Variants in SHQ1 observed in about 807,000 individuals in gnomAD.
The protein encoded by SHQ1 is SHQ1, H/ACA ribonucleoprotein assembly factor.
Under a neutral mutation model 53.8 loss-of-function variants are expected in SHQ1, and 49 were observed. The observed-to-expected ratio is 0.91, with a 90% confidence interval of 0.72 to 1.16. SHQ1 has a LOEUF of 1.16. Among genes scored for constraint, SHQ1 ranks in the 50% most tolerant of loss-of-function variants. The pLI, the probability that SHQ1 is intolerant of heterozygous loss-of-function variation, is 0.00. For synonymous variants in SHQ1, 243 were observed against 251.0 expected, an observed-to-expected ratio of 0.97 and a Z score of 0.30; for missense variants, 738 against 683.1, an observed-to-expected ratio of 1.08 and a Z score of -0.90.
At chr3:72,761,466 C>T (rs1053774255) in intron 10 of SHQ1, among the ~76,000 whole-genome samples, 1 of 152,162 alleles carries the variant, frequency 6.6e-6, no homozygotes, top group African/African-American at 2.4e-5. Context: ...GCTACTGCGC[C>T]GGGCCAAGGA....
chr3:72,786,065 C>T (rs1321705701), intron 10 of SHQ1, among the ~76,000 whole-genome samples: 3 of 152,132 alleles, frequency 2.0e-5, no homozygotes, highest in Non-Finnish European at 4.4e-5. Context: ...AGTCAAAACC[C>T]ACATCTCATC....
intron 10 of SHQ1, chr3:72,773,291 A>G: frequency 3.2e-6 from 2 of 634,232 alleles, no homozygotes; most frequent in Non-Finnish European, 6.0e-6. Flanking sequence ...AAGAAAGATA[A>G]AGAAAAATTG....
At position 72,817,254 on chromosome 3, in the gene SHQ1, G is replaced by C. The variant is rs559942566; in HGVS notation, c.858C>G (p.Thr286=). 3 of 1,613,428 alleles carry C rather than the reference G, an allele frequency of 1.9e-6. No individual in the cohort carries two copies. The highest frequency in any genetic ancestry group is 1.7e-5 in the Admixed American group (1 of 59,922). ...IDILLAYCYE[T]RVTEGEKNVE... The stretch of plus-strand genomic sequence containing the variant: ...CATTCTTCTCTCCTTCAGTGACACG[G>C]GTTTCATAGCAATATGCCAGAAGGA... Residue 286 remains threonine, a synonymous_variant, in exon 7 of 11, where the codon ACC becomes ACG. Coordinates refer to ENST00000325599, the MANE Select transcript of SHQ1 (RefSeq NM_018130.3).
In SHQ1 at chr3:72,773,129, T is replaced by C. The variant is rs1230941827; in HGVS notation, c.1181+19787A>G. 3.9e-6 allele frequency: 3 copies of C among 763,200 alleles called. No homozygotes were observed. The East Asian group carries it at 7.5e-5, about 19-fold the overall frequency. The allele number at this position is 763,200 out of a possible 1,614,324, so 47.3% of individuals were successfully genotyped here. A position where few individuals can be genotyped will look rare whatever the true frequency, so the allele number is the denominator to read the frequency against. On this transcript the variant is annotated intron_variant, in intron 10 of 10. Transcript: ENST00000325599. The stretch of plus-strand genomic sequence containing the variant: ...CTTCGTGAAATTGAGCTCAAAGTCA[T>C]GAAGTTTCAGGATGAGTTGGAATTT...
intron 10 of SHQ1, among the ~76,000 whole-genome samples, chr3:72,760,622 G>C (rs1320152074): frequency 2.0e-5 from 3 of 152,148 alleles, no homozygotes; most frequent in African/African-American, 7.2e-5. Context: ...AGCTTAAAGG[G>C]CTCTTCTCTC....
intron 5 of SHQ1, among the ~76,000 whole-genome samples, chr3:72,831,755 G>A (rs1707828902): frequency 6.6e-6 from 1 of 152,214 alleles, no homozygotes; most frequent in South Asian, 2.1e-4. Flanking sequence ...GTACCTATCT[G>A]TTAATTAGAT....
chr3:72,817,053 A>G (rs1707340399), intron 7 of SHQ1, among the ~76,000 whole-genome samples, 177 bp downstream of exon 7: 1 of 152,210 alleles, frequency 6.6e-6, no homozygotes, highest in Non-Finnish European at 1.5e-5. Context: ...CCAACTAAGT[A>G]ATGTATGATT....
chr3:72,762,307 G>C (rs187658011), intron 10 of SHQ1, among the ~76,000 whole-genome samples: 1 of 152,190 alleles, frequency 6.6e-6, no homozygotes, highest in African/African-American at 2.4e-5. Flanking sequence ...AAATTCAAGG[G>C]TGAGGGTGAC....
intron 10 of SHQ1, among the ~76,000 whole-genome samples, chr3:72,784,281 G>T (rs908519592): frequency 6.6e-6 from 1 of 151,886 alleles, no homozygotes; most frequent in Admixed American, 6.6e-5. Context: ...CTTTATAAAA[G>T]GTTATTTTAG....
At chr3:72,796,376 G>A (rs1706622361) in intron 9 of SHQ1, among the ~76,000 whole-genome samples, 1 of 152,094 alleles carries the variant, frequency 6.6e-6, no homozygotes, top group African/African-American at 2.4e-5. Flanking sequence ...CATATTTAAT[G>A]AGGATCCACA....
Position 72,804,114 on chromosome 3 carries a change from A to C in SHQ1, c.1060+8557T>G, listed in dbSNP as rs1445872588. On this transcript the variant is annotated intron_variant, in intron 9 of 10. Transcript: ENST00000325599. ...AAAACATTTTTTTTTTCTAGAAACA[A>C]GGTCTCACTATGTTGCCCAGGCTGG... 3.3e-5 allele frequency among the ~76,000 whole-genome samples: 5 copies of C among 152,080 alleles called. 1 individual carries two copies. In the East Asian group the frequency reaches 5.8e-4, roughly 18 times the overall value.
In SHQ1 at chr3:72,815,354, A is replaced by C. The variant is rs1302331527; in HGVS notation, c.932T>G (p.Phe311Cys). Reference protein sequence around the residue: ...IRKLSPTLCWFETWTNVHDIM... With the variant: ...IRKLSPTLCWCETWTNVHDIM... Reference sequence around the variant, plus strand: ...AATTGCAACTGGAAATCATACCTCAAACCAGCATAGTGTTGGACTCAGTTT... The same window carrying C: ...AATTGCAACTGGAAATCATACCTCACACCAGCATAGTGTTGGACTCAGTTT... The change falls in exon 8 of 11, where the codon TTT (phenylalanine) becomes TGT (cysteine). Residue 311 changes from phenylalanine (F) to cysteine (C), a missense_variant. Physicochemically the swap from Phe to Cys is radical, Grantham distance 205 (BLOSUM62 -2). Coordinates refer to ENST00000325599, the MANE Select transcript of SHQ1 (RefSeq NM_018130.3). The C allele has an allele frequency of 6.2e-7, 1 of 1,613,016 alleles. No individual in the cohort carries two copies. Among genetic ancestry groups the C allele is most frequent in the African/African-American group, 1.3e-5 (1 of 74,900 alleles).
At chr3:72,791,977 T>C (rs1046406282) in intron 10 of SHQ1, among the ~76,000 whole-genome samples, 3 of 152,252 alleles carry the variant, frequency 2.0e-5, no homozygotes, top group Non-Finnish European at 4.4e-5. Context: ...TAATCGTTAA[T>C]CTACTATGTT....
rs1378639415 is a variant in SHQ1 at position 72,820,410 on chromosome 3, T to C, written c.728-3026A>G. Among the ~76,000 whole-genome samples, 4 of 152,318 alleles carry C rather than the reference T, an allele frequency of 2.6e-5. No individual in the cohort carries two copies. In the East Asian group the frequency reaches 5.8e-4, roughly 22 times the overall value. On this transcript the variant is annotated intron_variant, in intron 6 of 10. Transcript: ENST00000325599. ...GTTCCACTGTGGCCTACTTCATTAATAACACACAAATGCATTTAAATTCTG... is the reference window on the plus strand; with the variant it reads ...GTTCCACTGTGGCCTACTTCATTAACAACACACAAATGCATTTAAATTCTG...
chr3:72,746,153 G>A (rs1002884185), downstream of SHQ1, among the ~76,000 whole-genome samples: 1 of 152,066 alleles, frequency 6.6e-6, no homozygotes, highest in African/African-American at 2.4e-5. Context: ...CCGTTTCTAA[G>A]ATGAAGGGAA....
rs147061731 is a variant in SHQ1, at chr3:72,822,581, C to T, written c.727+1843G>A. On this transcript the variant is annotated intron_variant, in intron 6 of 10. Coordinates refer to ENST00000325599, the MANE Select transcript of SHQ1 (RefSeq NM_018130.3). ...CCCTGGTGGACAGAAAACTCAACTA[C>T]GCAACCATCAATTTTCTCCCACACC... Among the ~76,000 whole-genome samples, 486 of 152,294 alleles carry T rather than the reference C, an allele frequency of 3.2e-3. 6 individuals carry two copies. Among genetic ancestry groups the T allele is most frequent in the African/African-American group, 0.011 (451 of 41,556 alleles).
the SHQ1 span, among the ~76,000 whole-genome samples, chr3:72,732,840 G>A: frequency 9.4e-3 from 1,428 of 151,366 alleles, 41 homozygotes; most frequent in African/African-American, 0.031. Flanking sequence ...AGAGGCCAGC[G>A]GAAGAACCGC....
At chr3:72,754,864 A>G (rs1022410086) in intron 10 of SHQ1, among the ~76,000 whole-genome samples, 2 of 152,380 alleles carry the variant, frequency 1.3e-5, no homozygotes, top group East Asian at 3.9e-4. Context: ...ATGGAGGTTT[A>G]GAAAACAAGG....
At chr3:72,824,890 C>T (rs550486799) in intron 5 of SHQ1, among the ~76,000 whole-genome samples, 1 of 151,568 alleles carries the variant, frequency 6.6e-6, no homozygotes. Flanking sequence ...CAGCCTCAAA[C>T]TCCTGGGGTC....
Sources: allele counts gnomAD v4.1 joint callset (sites outside exome capture counted in the v4.1 genomes callset), GRCh38; gene constraint gnomAD v4.1.1; transcripts MANE v1.5; gene names NCBI Gene and HGNC (gene_info 2026-07-23, HGNC 2026-07-21).